KDM2A: variants seen among roughly 807,000 people sequenced by gnomAD.
The protein encoded by KDM2A is lysine demethylase 2A.
In KDM2A, 3 loss-of-function variants were observed where a neutral mutation model predicts 137.3. That is an observed-to-expected ratio of 0.02 (90% CI 0.01 to 0.06). The LOEUF (loss-of-function observed/expected upper bound fraction) is 0.06. Ranked by LOEUF, KDM2A falls within the 10% of genes least tolerant of loss-of-function variation. The probability of loss-of-function intolerance (pLI) is 1.00; values close to 1 mark genes in which losing one functional copy is unlikely to be tolerated. For missense variants in KDM2A, 738 were observed against 1,510.6 expected (o/e 0.49, Z 8.48); for synonymous variants, 512 against 541.5 (o/e 0.95, Z 0.76).
intron 5 of KDM2A, among the ~76,000 whole-genome samples, chr11:67,206,435 T>C (rs1214398248): frequency 1.4e-5 from 2 of 147,810 alleles, no homozygotes; most frequent in South Asian, 4.3e-4. Flanking sequence ...TGTCTCAAAA[T>C]AAAATTAAAG....
Position 67,245,832 on chromosome 11 carries a change from C to T in KDM2A, c.1834-153C>T. The T allele has an allele frequency of 1.1e-6, 1 of 879,182 alleles. No individual in the cohort carries two copies. Among genetic ancestry groups the T allele is most frequent in the East Asian group, 2.7e-5 (1 of 36,920 alleles). The allele number at this position is 879,182 out of a possible 1,614,324, so 54.5% of individuals were successfully genotyped here. ...TCCTCTTCCCCAGTCATTTTTCCTA[C>T]CCAAAACCTCCGTTCTCTCCACCCT... On this transcript the variant is annotated intron_variant, in intron 14 of 20. Coordinates refer to ENST00000529006, the MANE Select transcript of KDM2A (RefSeq NM_012308.3). This position sits in a 1 kb window ranked among gnomAD's most constrained non-coding sequence, Gnocchi z 4.1.
chr11:67,220,751 T>TAAAAC (rs1432639773), intron 10 of KDM2A, among the ~76,000 whole-genome samples: 2 of 152,190 alleles, frequency 1.3e-5, no homozygotes, highest in African/African-American at 4.8e-5. Flanking sequence ...TGTAACTGTT[T>TAAAAC]AACCCTACCT....
At chr11:67,225,455 G>A (rs1299217545) in intron 10 of KDM2A, among the ~76,000 whole-genome samples, 2 of 151,638 alleles carry the variant, frequency 1.3e-5, no homozygotes, top group African/African-American at 4.8e-5. Flanking sequence ...GGCCAACATG[G>A]TGAAACCCCG....
In KDM2A at chr11:67,248,492, G is replaced by A; in HGVS notation, c.2055+122G>A. ...TTCTCTGACCTAGGAGATTATTTTT[G>A]TTTGGTTTGGTATGTTTTTCCTTTG... On this transcript the variant is annotated intron_variant, in intron 16 of 20. Coordinates refer to ENST00000529006, the MANE Select transcript of KDM2A (RefSeq NM_012308.3). The A allele has an allele frequency of 4.7e-6, 3 of 634,882 alleles. No individual in the cohort carries two copies. The Admixed American group carries it at 9.5e-5, about 20-fold the overall frequency. The allele number at this position is 634,882 out of a possible 1,614,324, so 39.3% of individuals were successfully genotyped here. A position where few individuals can be genotyped will look rare whatever the true frequency, so the allele number is the denominator to read the frequency against.
intron 1 of KDM2A, 129 bp from the exon 2 acceptor site, chr11:67,121,105 C>T (rs1415884720): frequency 1.8e-6 from 1 of 565,008 alleles, no homozygotes. Flanking sequence ...CAGAAAGGTC[C>T]CAAACTCATG....
rs1034271301 is a variant in KDM2A, at chr11:67,146,658, A to G, written c.42+25300A>G. ...CAAGTACCAGGGACTACAGGTGCTTACCACTACACCTGGCTAATTTTTTGT... is the reference window on the plus strand; with the variant it reads ...CAAGTACCAGGGACTACAGGTGCTTGCCACTACACCTGGCTAATTTTTTGT... On this transcript the variant is annotated intron_variant, in intron 2 of 20. Coordinates refer to ENST00000529006, the MANE Select transcript of KDM2A (RefSeq NM_012308.3). Among the ~76,000 whole-genome samples, 6 of 152,144 alleles carry G rather than the reference A, an allele frequency of 3.9e-5. No individual in the cohort carries two copies. The East Asian group carries it at 1.2e-3, about 29-fold the overall frequency.
At chr11:67,229,774 G>C (rs1428426856) in intron 11 of KDM2A, among the ~76,000 whole-genome samples, 1 of 151,998 alleles carries the variant, frequency 6.6e-6, no homozygotes, top group Non-Finnish European at 1.5e-5. Context: ...GGAGGCTGTG[G>C]CAGGAGAATC....
At chr11:67,158,109 C>T (rs924973865) in intron 2 of KDM2A, among the ~76,000 whole-genome samples, 1 of 150,878 alleles carries the variant, frequency 6.6e-6, no homozygotes, top group Non-Finnish European at 1.5e-5. Context: ...CATCCCCTTT[C>T]CTCTCCCCCA....
At chr11:67,164,073 A>G (rs1485701273) in intron 2 of KDM2A, among the ~76,000 whole-genome samples, 1 of 152,132 alleles carries the variant, frequency 6.6e-6, no homozygotes, top group Non-Finnish European at 1.5e-5. Flanking sequence ...ATATAAGGCC[A>G]CATTTGCAAA....
At chr11:67,151,803 T>C (rs1026791174) in intron 2 of KDM2A, among the ~76,000 whole-genome samples, 2 of 152,142 alleles carry the variant, frequency 1.3e-5, no homozygotes, top group Admixed American at 6.6e-5. Context: ...GAGTGTAGTA[T>C]GGCTTTATCT....
At chr11:67,132,771 CTG>C (rs1195734659) in intron 2 of KDM2A, among the ~76,000 whole-genome samples, 2 of 150,716 alleles carry the variant, frequency 1.3e-5, no homozygotes, top group African/African-American at 4.9e-5. Context: ...TGAGCATTAA[CTG>C]AGTGTCTGGG....
chr11:67,142,140 A>G (rs1856119222), intron 2 of KDM2A, among the ~76,000 whole-genome samples: 1 of 151,564 alleles, frequency 6.6e-6, no homozygotes, highest in Non-Finnish European at 1.5e-5. Flanking sequence ...CCAGGTTCAA[A>G]TGATTCTCCT....
At chr11:67,227,794 C>T (rs1258631578) in intron 10 of KDM2A, among the ~76,000 whole-genome samples, 2 of 152,130 alleles carry the variant, frequency 1.3e-5, no homozygotes, top group Admixed American at 1.3e-4. Flanking sequence ...TGGTCGCGAA[C>T]TCCTGACCTC....
intron 12 of KDM2A, among the ~76,000 whole-genome samples, chr11:67,239,831 C>T (rs1035473288): frequency 1.8e-4 from 27 of 152,230 alleles, no homozygotes; most frequent in Non-Finnish European, 3.8e-4. Flanking sequence ...CACCGGGAGC[C>T]CTCAGGGGGC....
At chr11:67,198,575 T>C (rs1027296539) in intron 5 of KDM2A, among the ~76,000 whole-genome samples, 1 of 151,742 alleles carries the variant, frequency 6.6e-6, no homozygotes, top group Non-Finnish European at 1.5e-5. Context: ...CTGGGCGCAG[T>C]GGCGGGCGCC....
At chr11:67,204,733 C>T (rs1259512418) in intron 5 of KDM2A, among the ~76,000 whole-genome samples, 2 of 151,994 alleles carry the variant, frequency 1.3e-5, no homozygotes, top group Admixed American at 6.6e-5. Context: ...CCTCGTGATC[C>T]ACCCACCTCG....
At chr11:67,192,088 C>T (rs1031917319) in intron 5 of KDM2A, among the ~76,000 whole-genome samples, 4 of 152,142 alleles carry the variant, frequency 2.6e-5, no homozygotes, top group South Asian at 2.1e-4. Flanking sequence ...TTGTGTACAA[C>T]TTAGTAAGAA....
At chr11:67,242,601 A>G (rs1859079699) in intron 12 of KDM2A, among the ~76,000 whole-genome samples, 1 of 152,240 alleles carries the variant, frequency 6.6e-6, no homozygotes, top group Non-Finnish European at 1.5e-5. Flanking sequence ...TCAGTGTGTT[A>G]GTATAATTAG....
chr11:67,214,109 C>T (rs1164176617), intron 6 of KDM2A, among the ~76,000 whole-genome samples: 1 of 152,034 alleles, frequency 6.6e-6, no homozygotes, highest in African/African-American at 2.4e-5. Context: ...GGCACCATCT[C>T]GGCTCACCAG....
Sources: allele counts gnomAD v4.1 joint callset (sites outside exome capture counted in the v4.1 genomes callset), GRCh38; gene constraint gnomAD v4.1.1; non-coding constraint Gnocchi (gnomAD v3.1); transcripts MANE v1.5; gene names NCBI Gene and HGNC (gene_info 2026-07-23, HGNC 2026-07-21).